Variants in WNK1 observed in about 807,000 individuals in gnomAD.
WNK1 encodes the protein serine/threonine-protein kinase WNK1.
A neutral mutation model predicts 222.8 loss-of-function variants in WNK1; 38 were observed. The observed-to-expected ratio is 0.17, with a 90% CI of 0.13 to 0.22. WNK1 has a LOEUF of 0.22. Ranked by LOEUF, WNK1 falls within the 10% of genes least tolerant of loss-of-function variation. The probability of loss-of-function intolerance (pLI) is 1.00; values close to 1 mark genes in which losing one functional copy is unlikely to be tolerated. For missense variants in WNK1, 2,348 were observed against 2,918.4 expected (o/e 0.80, Z 4.50); for synonymous variants, 1,090 against 1,092.9 (o/e 1.00, Z 0.05).
At chr12:764,857 C>A (rs192511569) in intron 1 of WNK1, among the ~76,000 whole-genome samples, 7 of 147,526 alleles carry the variant, frequency 4.7e-5, no homozygotes, top group African/African-American at 1.7e-4. Context: ...ACCAGCCTCA[C>A]GTGGCTATTT....
At chr12:824,597 T>C (rs1370804605) in intron 2 of WNK1, among the ~76,000 whole-genome samples, 4 of 152,072 alleles carry the variant, frequency 2.6e-5, no homozygotes, top group Non-Finnish European at 1.5e-5. Flanking sequence ...ACTAAAATGA[T>C]AGATATAATT....
At chr12:851,380 G>T in intron 4 of WNK1, 1 of 1,074,386 alleles carries the variant, frequency 9.3e-7, no homozygotes, top group South Asian at 3.0e-5. Flanking sequence ...AAAGTAGGTG[G>T]AGCATTGAGC....
At chr12:869,078 T>C in intron 8 of WNK1, 1 of 1,614,038 alleles carries the variant, frequency 6.2e-7, no homozygotes, top group South Asian at 1.1e-5. Context: ...CTCATTTTCT[T>C]CAGGAGGATC....
intron 5 of WNK1, 29 bp from the exon 6 acceptor site, chr12:859,216 G>T (rs938792595): frequency 2.6e-6 from 4 of 1,559,288 alleles, no homozygotes; most frequent in East Asian, 4.5e-5. Context: ...TTTTATTTTT[G>T]TTCCTTTTCT....
rs142165599 is a variant in WNK1 at position 753,879 on chromosome 12, C to G, written c.314C>G (p.Pro105Arg). The G allele has an allele frequency of 5.0e-6, 8 of 1,612,316 alleles. No individual in the cohort carries two copies. The highest frequency in any genetic ancestry group is 6.8e-6 in the Non-Finnish European group (8 of 1,179,810). ...LPGLPLSLPQ[P>R]SIPAAVPQSA... ...GGCCTTCCTCTTTCCCTGCCCCAGCCCAGCATCCCCGCGGCTGTCCCGCAG... is the reference window on the plus strand; with the variant it reads ...GGCCTTCCTCTTTCCCTGCCCCAGCGCAGCATCCCCGCGGCTGTCCCGCAG... Residue 105 changes from proline (P) to arginine (R), a missense_variant, in exon 1 of 28, where the codon CCC becomes CGC. This residue lies in a region of WNK1 where 185 missense variants were observed against 159.2 expected (regional missense o/e 1.16). Transcript: ENST00000315939. This position sits in a 1 kb window ranked among gnomAD's most constrained non-coding sequence, Gnocchi z 5.2.
At chr12:791,868 C>T (rs1294369580) in intron 1 of WNK1, among the ~76,000 whole-genome samples, 1 of 151,904 alleles carries the variant, frequency 6.6e-6, no homozygotes, top group African/African-American at 2.4e-5. Context: ...CATGTATTAA[C>T]CCAGGTTTAG....
Position 909,039 on chromosome 12 carries a change from T to C in WNK1, c.*247T>C. The C allele has an allele frequency of 5.6e-6, 3 of 537,362 alleles. No individual in the cohort carries two copies. In the South Asian group the frequency reaches 6.1e-5, roughly 11 times the overall value. 33.3% of individuals were successfully genotyped at this position (537,362 alleles called of 1,614,324 possible). A position where few individuals can be genotyped will look rare whatever the true frequency, so the allele number is the denominator to read the frequency against. ...GTCAAGGGGCAGCTTCAGACCATGC[T>C]TTCCTGTTTATCTATACTCAGTAAT... On this transcript the variant is annotated 3_prime_UTR_variant, in exon 28 of 28. Transcript: ENST00000315939.
intron 4 of WNK1, among the ~76,000 whole-genome samples, chr12:853,725 C>A (rs916682198): frequency 6.6e-6 from 1 of 152,172 alleles, no homozygotes; most frequent in African/African-American, 2.4e-5. Flanking sequence ...TACATACATT[C>A]CCTTGAAATG....
chr12:827,638 T>C lies in WNK1; in HGVS notation c.1153+376T>C. On this transcript the variant is annotated intron_variant, in intron 3 of 27. Coordinates refer to ENST00000315939, the MANE Select transcript of WNK1 (RefSeq NM_018979.4). The surrounding 1 kb of genome is among the most constrained non-coding windows in gnomAD (Gnocchi z 4.6). Reference sequence around the variant, plus strand: ...CCACCCACCGGGTTCAAGCGATTCTTGTGCCTCAGCCTCCCGAGTAGCTGG... The same window carrying C: ...CCACCCACCGGGTTCAAGCGATTCTCGTGCCTCAGCCTCCCGAGTAGCTGG... The C allele has an allele frequency of 8.3e-5, 19 of 229,568 alleles. No homozygotes were observed. Among genetic ancestry groups the C allele is most frequent in the South Asian group, 2.6e-4 (3 of 11,760 alleles). The allele number at this position is 229,568 out of a possible 1,614,324, so 14.2% of individuals were successfully genotyped here.
chr12:770,560 T>C (rs1942353584), intron 1 of WNK1, among the ~76,000 whole-genome samples: 1 of 152,244 alleles, frequency 6.6e-6, no homozygotes, highest in South Asian at 2.1e-4. Flanking sequence ...TAATTTAGAC[T>C]ATTCTATTAA....
intron 2 of WNK1, among the ~76,000 whole-genome samples, chr12:823,950 AG>A (rs1948130974): frequency 7.7e-6 from 1 of 130,410 alleles, no homozygotes. Flanking sequence ...TGTGTTGCCC[AG>A]GGCGGAGTGC....
chr12:842,074 G>T (rs1232602399), intron 4 of WNK1, among the ~76,000 whole-genome samples: 1 of 152,194 alleles, frequency 6.6e-6, no homozygotes. Flanking sequence ...ACAGCACACC[G>T]TAGGCACTCA....
Position 846,129 on chromosome 12 carries a change from G to A in WNK1, c.1312-11032G>A, listed in dbSNP as rs566049205. ...TTGTTTTTAACCTGTTTTCTAGACCGCAAGGAAAACTGAGGGTAAAAAGTT... is the reference window on the plus strand; with the variant it reads ...TTGTTTTTAACCTGTTTTCTAGACCACAAGGAAAACTGAGGGTAAAAAGTT... On this transcript the variant is annotated intron_variant, in intron 4 of 27. Transcript: ENST00000315939. 4.6e-5 allele frequency among the ~76,000 whole-genome samples: 7 copies of A among 152,158 alleles called. No homozygotes were observed. In the East Asian group the frequency reaches 1.2e-3, roughly 25 times the overall value.
chr12:885,242 G>A lies in WNK1; in HGVS notation c.4438G>A (p.Ala1480Thr). Residue 1480 changes from alanine (A) to threonine (T), a missense_variant, in exon 19 of 28, where the codon GCA (alanine) becomes ACA (threonine). Ala to Thr is a moderately conservative substitution (Grantham distance 58, BLOSUM62 0). Coordinates refer to ENST00000315939, the MANE Select transcript of WNK1 (RefSeq NM_018979.4). Reference sequence around the variant, plus strand: ...TCCAGCTGTAGTATCTCAGCAGGCAGCAGGCAGCACTACTGTGGGAGCCAC... The same window carrying A: ...TCCAGCTGTAGTATCTCAGCAGGCAACAGGCAGCACTACTGTGGGAGCCAC... The part of the protein sequence containing the change: ...KPPAVVSQQA[A>T]GSTTVGATLT... 6.2e-7 allele frequency: 1 copy of A among 1,614,210 alleles called. No homozygotes were observed. Among genetic ancestry groups the A allele is most frequent in the Non-Finnish European group, 8.5e-7 (1 of 1,180,038 alleles).
intron 2 of WNK1, among the ~76,000 whole-genome samples, chr12:818,739 T>A (rs76964877): frequency 5.9e-4 from 90 of 152,342 alleles, no homozygotes; most frequent in Middle Eastern, 3.4e-3. Flanking sequence ...TGGATCCTTG[T>A]GTTTGGCGTC....
At chr12:763,576 G>T (rs1176363064) in intron 1 of WNK1, among the ~76,000 whole-genome samples, 3 of 130,036 alleles carry the variant, frequency 2.3e-5, no homozygotes, top group Non-Finnish European at 5.3e-5. Flanking sequence ...GCGACAAGAG[G>T]GAAACTCTGT....
intron 4 of WNK1, among the ~76,000 whole-genome samples, chr12:853,521 T>C (rs763362201): frequency 6.6e-6 from 1 of 152,232 alleles, no homozygotes; most frequent in Non-Finnish European, 1.5e-5. Flanking sequence ...TTGAATTCAG[T>C]TGGACAGGTG....
intron 10 of WNK1, 103 bp downstream of exon 10, chr12:878,464 C>A: frequency 7.5e-7 from 1 of 1,337,956 alleles, no homozygotes; most frequent in Non-Finnish European, 1.0e-6. Flanking sequence ...TAGACTTCTA[C>A]CTTTTCTTCT....
At chr12:867,914 T>G in intron 8 of WNK1, 1 of 1,614,000 alleles carries the variant, frequency 6.2e-7, no homozygotes, top group Non-Finnish European at 8.5e-7. Context: ...ATACCCAGAA[T>G]CACAGATATT....
Sources: allele counts gnomAD v4.1 joint callset (sites outside exome capture counted in the v4.1 genomes callset), GRCh38; gene constraint gnomAD v4.1.1; regional missense constraint gnomAD v4.1.1; non-coding constraint Gnocchi (gnomAD v3.1); transcripts MANE v1.5; gene names NCBI Gene and HGNC (gene_info 2026-07-23, HGNC 2026-07-21).